The following CCDC6 variants were observed in gnomAD, a reference collection of about 807,000 sequenced individuals.
CCDC6 encodes coiled-coil domain-containing protein 6.
In CCDC6, 20 loss-of-function variants were observed where a neutral mutation model predicts 56.6. The observed-to-expected ratio is 0.35, with a 90% CI of 0.25 to 0.51. The LOEUF (loss-of-function observed/expected upper bound fraction) is 0.51. Ranked by LOEUF, CCDC6 falls within the 20% of genes least tolerant of loss-of-function variation. The probability of loss-of-function intolerance (pLI) is 0.95; values close to 1 mark genes in which losing one functional copy is unlikely to be tolerated. For synonymous variants in CCDC6, 241 were observed against 234.4 expected (o/e 1.03, Z -0.26); for missense variants, 367 against 601.1 (o/e 0.61, Z 4.07).
intron 1 of CCDC6, among the ~76,000 whole-genome samples, chr10:59,905,806 C>G (rs865850161): frequency 2.0e-4 from 31 of 152,320 alleles, no homozygotes; most frequent in Admixed American, 5.9e-4. Flanking sequence ...CCCCGCCCCC[C>G]AGCCACGCCG....
intron 1 of CCDC6, among the ~76,000 whole-genome samples, chr10:59,874,673 G>A (rs1319036407): frequency 6.6e-6 from 1 of 152,114 alleles, no homozygotes; most frequent in Non-Finnish European, 1.5e-5. Context: ...AAATTATCTT[G>A]GGTTCTCTGA....
intron 1 of CCDC6, among the ~76,000 whole-genome samples, chr10:59,870,042 C>G (rs2071214755): frequency 6.6e-6 from 1 of 152,186 alleles, no homozygotes; most frequent in Non-Finnish European, 1.5e-5. Flanking sequence ...CACCCCATTA[C>G]ACTACCTTCT....
rs2070477828 is a variant in CCDC6, at chr10:59,792,643, A to G, written c.*274T>C. ...AAAAATTGCACACTGCTGCTGAAAT[A>G]CCAAATACCAAACAGCGAAGGTTCC... On this transcript the variant is annotated 3_prime_UTR_variant, in exon 9 of 9. Coordinates refer to ENST00000263102, the MANE Select transcript of CCDC6 (RefSeq NM_005436.5). 1 of 712,138 alleles carries G rather than the reference A, an allele frequency of 1.4e-6. No homozygotes were observed. Among genetic ancestry groups the G allele is most frequent in the Non-Finnish European group, 2.6e-6 (1 of 384,722 alleles). 44.1% of individuals were successfully genotyped at this position (712,138 alleles called of 1,614,324 possible).
intron 1 of CCDC6, among the ~76,000 whole-genome samples, chr10:59,868,042 G>A (rs898602578): frequency 3.9e-5 from 6 of 152,196 alleles, no homozygotes; most frequent in African/African-American, 7.2e-5. Context: ...ACCTCCTGAA[G>A]CTTTGTTACA....
chr10:59,816,797 C>T (rs746257551), intron 3 of CCDC6, among the ~76,000 whole-genome samples: 2 of 152,172 alleles, frequency 1.3e-5, no homozygotes, highest in African/African-American at 4.8e-5. Flanking sequence ...TTCCTTAGTA[C>T]ATCCTCAGTA....
intron 1 of CCDC6, among the ~76,000 whole-genome samples, chr10:59,885,314 T>C (rs373832029): frequency 1.9e-4 from 29 of 152,248 alleles, no homozygotes; most frequent in African/African-American, 7.0e-4. Context: ...ACCAAGGCTG[T>C]TGGCAAAAAC....
In CCDC6 at chr10:59,792,551, T is replaced by A. The variant is rs1295861704; in HGVS notation, c.*366A>T. On this transcript the variant is annotated 3_prime_UTR_variant, in exon 9 of 9. Coordinates refer to ENST00000263102, the MANE Select transcript of CCDC6 (RefSeq NM_005436.5). ...TTTTCTGCAGATTCATGGAAAAAAA[T>A]ATAAAAAAGATATCCCTTTTTCTTT... The A allele has an allele frequency of 1.9e-6, 1 of 535,090 alleles. No individual in the cohort carries two copies. The highest frequency in any genetic ancestry group is 3.8e-5 in the East Asian group (1 of 26,244). The allele number at this position is 535,090 out of a possible 1,614,324, so 33.1% of individuals were successfully genotyped here.
chr10:59,804,399 T>C (rs767091227), intron 7 of CCDC6, 21 bp downstream of exon 7: 3 of 1,452,028 alleles, frequency 2.1e-6, no homozygotes, highest in South Asian at 1.1e-5. Context: ...GTCACTGAAA[T>C]AGCCAAAGAC....
chr10:59,895,976 C>T (rs952215436), intron 1 of CCDC6, among the ~76,000 whole-genome samples: 22 of 152,142 alleles, frequency 1.4e-4, no homozygotes, highest in Admixed American at 1.3e-3. Context: ...GGCCAAACTT[C>T]GCTGGTTGGC....
At chr10:59,861,929 A>G (rs2071132170) in intron 1 of CCDC6, among the ~76,000 whole-genome samples, 1 of 152,192 alleles carries the variant, frequency 6.6e-6, no homozygotes, top group South Asian at 2.1e-4. Context: ...TCCAAAATTA[A>G]TGAAACAGAA....
At chr10:59,882,959 C>CAAAAAA (rs769100645) in intron 1 of CCDC6, among the ~76,000 whole-genome samples, 1 of 134,018 alleles carries the variant, frequency 7.5e-6, no homozygotes, top group Non-Finnish European at 1.6e-5. Context: ...GACTCTGCCT[C>CAAAAAA]AAAAAAAAAA....
intron 1 of CCDC6, among the ~76,000 whole-genome samples, chr10:59,903,056 G>C (rs987907447): frequency 2.6e-5 from 4 of 152,176 alleles, no homozygotes; most frequent in African/African-American, 9.7e-5. Flanking sequence ...TTTACTAAGT[G>C]AAAAGTCTGC....
At chr10:59,886,141 A>G (rs1218616295) in intron 1 of CCDC6, among the ~76,000 whole-genome samples, 1 of 152,232 alleles carries the variant, frequency 6.6e-6, no homozygotes, top group Non-Finnish European at 1.5e-5. Context: ...CTTTAAATCT[A>G]TCTTTAAGCA....
At chr10:59,832,748 C>T in intron 2 of CCDC6, 95 bp from the exon 3 acceptor site, 1 of 1,354,240 alleles carries the variant, frequency 7.4e-7, no homozygotes, top group Non-Finnish European at 1.0e-6. Flanking sequence ...GAAGCTATAC[C>T]ACAAAAGTTA....
chr10:59,904,649 C>A (rs563304083), intron 1 of CCDC6, among the ~76,000 whole-genome samples: 1 of 152,212 alleles, frequency 6.6e-6, no homozygotes, highest in Non-Finnish European at 1.5e-5. Flanking sequence ...TCCCCGCCCC[C>A]CACCTTCCTA....
chr10:59,813,423 A>G (rs1194879358), intron 4 of CCDC6, among the ~76,000 whole-genome samples: 1 of 152,244 alleles, frequency 6.6e-6, no homozygotes, highest in East Asian at 1.9e-4. Flanking sequence ...TGAAGGATAT[A>G]AAATACTGAT....
intron 1 of CCDC6, among the ~76,000 whole-genome samples, chr10:59,863,363 T>C (rs921206346): frequency 7.2e-5 from 11 of 152,248 alleles, no homozygotes; most frequent in Non-Finnish European, 1.5e-4. Flanking sequence ...GTTATAAATA[T>C]AACTTGGTGG....
chr10:59,901,317 A>G (rs2071502547), intron 1 of CCDC6, among the ~76,000 whole-genome samples: 1 of 152,206 alleles, frequency 6.6e-6, no homozygotes, highest in African/African-American at 2.4e-5. Flanking sequence ...TCATCGTCAC[A>G]TTTATAAAGG....
At chr10:59,877,145 G>A (rs895243) in intron 1 of CCDC6, among the ~76,000 whole-genome samples, 2 of 152,078 alleles carry the variant, frequency 1.3e-5, no homozygotes, top group Admixed American at 6.6e-5. Context: ...ATGCCATTAC[G>A]CAGTGCATAA....
Sources: allele counts gnomAD v4.1 joint callset (sites outside exome capture counted in the v4.1 genomes callset), GRCh38; gene constraint gnomAD v4.1.1; transcripts MANE v1.5; gene names NCBI Gene and HGNC (gene_info 2026-07-23, HGNC 2026-07-21).